Variants in PRDM5 observed in about 807,000 individuals in gnomAD.
PRDM5 encodes the protein PR domain zinc finger protein 5.
In PRDM5, 56 loss-of-function variants were observed where a neutral mutation model predicts 81.2. The ratio of observed to expected loss-of-function variants is 0.69; its 90% confidence interval spans 0.56 to 0.86. The LOEUF is 0.86. PRDM5 is among the 40% of genes least tolerant of loss of function. PRDM5 has a pLI of 0.00. For synonymous variants in PRDM5, 267 were observed against 256.4 expected (o/e 1.04, Z -0.39); for missense variants, 697 against 770.1 (o/e 0.91, Z 1.12).
chr4:120,761,221 A>G (rs1745558144), intron 13 of PRDM5, among the ~76,000 whole-genome samples: 1 of 152,260 alleles, frequency 6.6e-6, no homozygotes, highest in African/African-American at 2.4e-5. Context: ...GCTCCAGAAA[A>G]TTGGAGCTAG....
intron 15 of PRDM5, among the ~76,000 whole-genome samples, chr4:120,699,423 A>G (rs1423506338): frequency 6.6e-6 from 1 of 151,984 alleles, no homozygotes. Context: ...ATTTAAAAAC[A>G]GATAATATAA....
intron 2 of PRDM5, among the ~76,000 whole-genome samples, chr4:120,890,385 C>T (rs1763910182): frequency 6.6e-6 from 1 of 152,152 alleles, no homozygotes. Flanking sequence ...ATCCAATCAC[C>T]TCCCACTAGG....
chr4:120,752,518 G>C (rs2149146210), intron 14 of PRDM5, among the ~76,000 whole-genome samples: 1 of 152,198 alleles, frequency 6.6e-6, no homozygotes, highest in South Asian at 2.1e-4. Flanking sequence ...TTCTGACAAG[G>C]GACCATCTGC....
intron 2 of PRDM5, among the ~76,000 whole-genome samples, chr4:120,881,030 T>C (rs531681862): frequency 1.3e-5 from 2 of 152,342 alleles, no homozygotes; most frequent in Non-Finnish European, 2.9e-5. Flanking sequence ...TACATAACAC[T>C]GTACTATAAT....
intron 10 of PRDM5, among the ~76,000 whole-genome samples, chr4:120,792,613 A>G (rs909973116): frequency 2.0e-5 from 3 of 152,080 alleles, no homozygotes; most frequent in African/African-American, 7.2e-5. Flanking sequence ...AGACACCTAC[A>G]CTCTCAGGTT....
chr4:120,885,763 C>T (rs556049512), intron 2 of PRDM5: 1 of 148,628 alleles, frequency 6.7e-6, no homozygotes, highest in Admixed American at 6.7e-5. Flanking sequence ...CACTGCACTC[C>T]AGTCGGGAGA....
At chr4:120,883,725 G>C (rs1763097315) in intron 2 of PRDM5, among the ~76,000 whole-genome samples, 1 of 151,918 alleles carries the variant, frequency 6.6e-6, no homozygotes. Flanking sequence ...AGAACTTAAA[G>C]TATAATAAAA....
At chr4:120,744,319 G>A (rs1222567406) in intron 14 of PRDM5, among the ~76,000 whole-genome samples, 1 of 152,132 alleles carries the variant, frequency 6.6e-6, no homozygotes, top group African/African-American at 2.4e-5. Flanking sequence ...ATGCCCACAA[G>A]AGAAAGGAGG....
At chr4:120,822,593 T>C (rs1755428837) in intron 3 of PRDM5, among the ~76,000 whole-genome samples, 1 of 152,158 alleles carries the variant, frequency 6.6e-6, no homozygotes, top group African/African-American at 2.4e-5. Flanking sequence ...CATGAAAAAT[T>C]GCAAAGACAT....
At chr4:120,884,174 T>C (rs1476916992) in intron 2 of PRDM5, among the ~76,000 whole-genome samples, 1 of 152,170 alleles carries the variant, frequency 6.6e-6, no homozygotes, top group East Asian at 1.9e-4. Flanking sequence ...ATTGGTCTCA[T>C]ATATACATAG....
At chr4:120,872,738 A>T (rs1280842623) in intron 2 of PRDM5, among the ~76,000 whole-genome samples, 24 of 152,168 alleles carry the variant, frequency 1.6e-4, no homozygotes, top group Admixed American at 1.6e-3. Flanking sequence ...TGGGTGACAC[A>T]GTGAGACCCT....
chr4:120,917,638 A>C (rs1724346524), intron 1 of PRDM5, among the ~76,000 whole-genome samples: 1 of 151,118 alleles, frequency 6.6e-6, no homozygotes, highest in Non-Finnish European at 1.5e-5. Flanking sequence ...TGAATAAATA[A>C]AAATTATGGC....
At chr4:120,900,013 T>G (rs1228219599) in intron 2 of PRDM5, among the ~76,000 whole-genome samples, 1 of 152,120 alleles carries the variant, frequency 6.6e-6, no homozygotes, top group Admixed American at 6.5e-5. Flanking sequence ...GAAAAAGGCA[T>G]AGGTATAGAA....
intron 10 of PRDM5, 129 bp downstream of exon 10, chr4:120,798,138 G>T: frequency 1.6e-6 from 1 of 607,064 alleles, no homozygotes; most frequent in Non-Finnish European, 2.6e-6. Flanking sequence ...TGGCCCAGGT[G>T]AGTGATCTTC....
At chr4:120,879,704 AGTT>A (rs1340333339) in intron 2 of PRDM5, among the ~76,000 whole-genome samples, 1 of 152,182 alleles carries the variant, frequency 6.6e-6, no homozygotes, top group African/African-American at 2.4e-5. Flanking sequence ...GGCTATTAGT[AGTT>A]AAGTTTTTGG....
At chr4:120,872,807 G>A (rs1157778822) in intron 2 of PRDM5, among the ~76,000 whole-genome samples, 1 of 152,068 alleles carries the variant, frequency 6.6e-6, no homozygotes, top group Non-Finnish European at 1.5e-5. Context: ...AAGTAGCATG[G>A]TGATTACCAG....
At chr4:120,905,755 ACT>A (rs1272637799) in intron 2 of PRDM5, among the ~76,000 whole-genome samples, 1 of 151,710 alleles carries the variant, frequency 6.6e-6, no homozygotes, top group African/African-American at 2.4e-5. Context: ...TGCAAGAGAG[ACT>A]CTCTATGTGT....
intron 8 of PRDM5, among the ~76,000 whole-genome samples, chr4:120,803,444 G>C (rs550893281): frequency 6.6e-6 from 1 of 152,230 alleles, no homozygotes; most frequent in Non-Finnish European, 1.5e-5. Context: ...AAATGTTAAG[G>C]GCAGCCAGAG....
At chr4:120,711,375 T>G (rs1736951540) in intron 14 of PRDM5, among the ~76,000 whole-genome samples, 1 of 152,174 alleles carries the variant, frequency 6.6e-6, no homozygotes, top group South Asian at 2.1e-4. Context: ...CTTGGCTCAC[T>G]GCAACCTCTG....
Sources: gnomAD v4.1 joint callset for allele counts (sites outside exome capture counted in the v4.1 genomes callset) on GRCh38, gnomAD v4.1.1 for gene constraint, MANE v1.5 for transcripts, NCBI Gene and HGNC (gene_info 2026-07-23, HGNC 2026-07-21) for gene names.